AJAP1: variants seen among roughly 807,000 people sequenced by gnomAD.
The protein encoded by AJAP1 is adherens junction-associated protein 1.
Under a neutral mutation model 35.0 loss-of-function variants are expected in AJAP1, and 5 were observed. The observed-to-expected ratio is 0.14, with a 90% CI of 0.07 to 0.30. The LOEUF is 0.30. Ranked by LOEUF, AJAP1 falls within the 10% of genes least tolerant of loss-of-function variation. The pLI is 1.00. For synonymous variants in AJAP1, 284 were observed against 249.3 expected, an observed-to-expected ratio of 1.14 and a Z score of -1.31; for missense variants, 586 against 571.0, an observed-to-expected ratio of 1.03 and a Z score of -0.27.
chr1:4,737,319 G>A (rs998876438), intron 2 of AJAP1, among the ~76,000 whole-genome samples: 7 of 151,986 alleles, frequency 4.6e-5, no homozygotes, highest in Non-Finnish European at 8.8e-5. Context: ...ACAAGCCCCC[G>A]TCACCACCCA....
Position 4,720,376 on chromosome 1 carries a change from A to T in AJAP1, c.829+7677A>T, listed in dbSNP as rs1017573652. On this transcript the variant is annotated intron_variant, in intron 2 of 5. Transcript: ENST00000378191. The surrounding 1 kb of genome is among the most constrained non-coding windows in gnomAD (Gnocchi z 4.4). ...CAGAAGTTTCTTTCAGCACTGGGGA[A>T]GCCAAGTTTGTTGGAGGAACAGAGA... 1.3e-5 allele frequency among the ~76,000 whole-genome samples: 2 copies of T among 152,200 alleles called. No individual in the cohort carries two copies. The highest frequency in any genetic ancestry group is 2.4e-5 in the African/African-American group (1 of 41,456).
At chr1:4,696,167 G>A (rs1639854490) in intron 1 of AJAP1, among the ~76,000 whole-genome samples, 1 of 150,190 alleles carries the variant, frequency 6.7e-6, no homozygotes, top group Admixed American at 6.7e-5. Flanking sequence ...GGGGAGCAGG[G>A]AGGCTCCCTG....
At position 4,762,491 on chromosome 1, in the gene AJAP1, C is replaced by T. The variant is rs138291944; in HGVS notation, c.830-7362C>T. Reference sequence around the variant, plus strand: ...GGCAGAGCCCAGCACAAACTCTGGGCGTCAAGGCCCAAGGGAGCTTCCCCG... The same window carrying T: ...GGCAGAGCCCAGCACAAACTCTGGGTGTCAAGGCCCAAGGGAGCTTCCCCG... On this transcript the variant is annotated intron_variant, in intron 2 of 5. Transcript: ENST00000378191. Among the ~76,000 whole-genome samples, 239 of 152,330 alleles carry T rather than the reference C, an allele frequency of 1.6e-3. 2 individuals carry two copies. The highest frequency in any genetic ancestry group is 0.01 in the Middle Eastern group (3 of 294).
Position 4,704,205 on chromosome 1 carries a change from G to A in AJAP1, c.30-7695G>A, listed in dbSNP as rs1477387935. Among the ~76,000 whole-genome samples, 4 of 147,498 alleles carry A rather than the reference G, an allele frequency of 2.7e-5. No homozygotes were observed. In the East Asian group the frequency reaches 6.2e-4, roughly 23 times the overall value. On this transcript the variant is annotated intron_variant, in intron 1 of 5. Coordinates refer to ENST00000378191, the MANE Select transcript of AJAP1 (RefSeq NM_018836.4). ...AAGTTTTAGGGTACATGTGCACAAT[G>A]TGCAGGTTAGTTACATATGTATACA...
At chr1:4,703,773 G>A (rs1306519198) in intron 1 of AJAP1, among the ~76,000 whole-genome samples, 2 of 152,190 alleles carry the variant, frequency 1.3e-5, no homozygotes, top group Non-Finnish European at 2.9e-5. Flanking sequence ...GGGGGACCCT[G>A]AGCCCACGCC....
intron 1 of AJAP1, among the ~76,000 whole-genome samples, chr1:4,694,338 C>G (rs1441696733): frequency 6.6e-6 from 1 of 152,210 alleles, no homozygotes; most frequent in African/African-American, 2.4e-5. Context: ...CTCCTGAGCC[C>G]TGCACAGCAA....
chr1:4,707,090 A>G (rs1292537318), intron 1 of AJAP1, among the ~76,000 whole-genome samples: 1 of 152,106 alleles, frequency 6.6e-6, no homozygotes, highest in Non-Finnish European at 1.5e-5. Context: ...AGGGTGTCCC[A>G]GTGAGGACTG....
rs1284539236 is a variant in AJAP1 at position 4,761,809 on chromosome 1, C to T, written c.830-8044C>T. Reference sequence around the variant, plus strand: ...GAAAGATGGAGGCCAGAAGACTAAACCCATCTAGTCTTCTCACATTCTTCT... The same window carrying T: ...GAAAGATGGAGGCCAGAAGACTAAATCCATCTAGTCTTCTCACATTCTTCT... On this transcript the variant is annotated intron_variant, in intron 2 of 5. Transcript: ENST00000378191. Among the ~76,000 whole-genome samples, 8 of 152,298 alleles carry T rather than the reference C, an allele frequency of 5.3e-5. No homozygotes were observed. In the East Asian group the frequency reaches 1.5e-3, roughly 29 times the overall value.
chr1:4,728,174 G>C (rs1640713591), intron 2 of AJAP1, among the ~76,000 whole-genome samples: 1 of 152,234 alleles, frequency 6.6e-6, no homozygotes. Context: ...CCAGGCGAGG[G>C]TCTGTGGGTG....
chr1:4,688,632 C>T (rs776210212), intron 1 of AJAP1, among the ~76,000 whole-genome samples: 4 of 151,938 alleles, frequency 2.6e-5, no homozygotes, highest in Non-Finnish European at 4.4e-5. Flanking sequence ...ATTAGCCGAG[C>T]GTGGTGGCGT....
At chr1:4,775,311 G>C (rs958808883) in intron 5 of AJAP1, among the ~76,000 whole-genome samples, 1 of 152,102 alleles carries the variant, frequency 6.6e-6, no homozygotes, top group Non-Finnish European at 1.5e-5. Context: ...ACAGCCCATG[G>C]GTGTGACCTG....
In AJAP1 at chr1:4,705,954, G is replaced by A. The variant is rs141162266; in HGVS notation, c.30-5946G>A. On this transcript the variant is annotated intron_variant, in intron 1 of 5. Coordinates refer to ENST00000378191, the MANE Select transcript of AJAP1 (RefSeq NM_018836.4). ...ATGACGCTGTGGCATGGTGACCTACGGTATCCCTTGAGGGGAAACTGGAGA... is the reference window on the plus strand; with the variant it reads ...ATGACGCTGTGGCATGGTGACCTACAGTATCCCTTGAGGGGAAACTGGAGA... Among the ~76,000 whole-genome samples the A allele has an allele frequency of 2.1e-4, 32 of 152,310 alleles. No homozygotes were observed. In the East Asian group the frequency reaches 4.8e-3, roughly 23 times the overall value.
intron 1 of AJAP1, among the ~76,000 whole-genome samples, chr1:4,703,781 G>A (rs765027438): frequency 3.3e-5 from 5 of 152,140 alleles, no homozygotes; most frequent in Non-Finnish European, 7.4e-5. Context: ...CTGAGCCCAC[G>A]CCCTTTGATC....
chr1:4,750,058 A>C (rs1054111923), intron 2 of AJAP1, among the ~76,000 whole-genome samples: 1 of 151,354 alleles, frequency 6.6e-6, no homozygotes, highest in African/African-American at 2.4e-5. Context: ...GTTTGTATCT[A>C]TATATGCCAG....
At chr1:4,755,536 C>G (rs550932812) in intron 2 of AJAP1, among the ~76,000 whole-genome samples, 1 of 152,056 alleles carries the variant, frequency 6.6e-6, no homozygotes, top group South Asian at 2.1e-4. Flanking sequence ...TAAGCTGCCC[C>G]CACCCCCACC....
chr1:4,760,677 G>T (rs553342871), intron 2 of AJAP1, among the ~76,000 whole-genome samples: 1 of 152,308 alleles, frequency 6.6e-6, no homozygotes, highest in African/African-American at 2.4e-5. Flanking sequence ...GACAGGGCCT[G>T]GCTTCCTTCC....
chr1:4,760,591 G>A (rs3753723), intron 2 of AJAP1, among the ~76,000 whole-genome samples: 61,223 of 152,000 alleles, frequency 0.4, 12,880 homozygotes, highest in African/African-American at 0.47. Context: ...CACATTTCCC[G>A]GCCACGATGC....
chr1:4,708,471 C>T (rs918559523), intron 1 of AJAP1, among the ~76,000 whole-genome samples: 2 of 152,192 alleles, frequency 1.3e-5, no homozygotes, highest in African/African-American at 4.8e-5. Context: ...GGGTGAGGCC[C>T]TCCCGAAATC....
rs186285800 is a variant in AJAP1, at chr1:4,788,456, A to G, written c.*5971A>G. 1.3e-5 allele frequency: 2 copies of G among 152,336 alleles called. No individual in the cohort carries two copies. The highest frequency in any genetic ancestry group is 6.5e-5 in the Admixed American group (1 of 15,302). 9.4% of individuals were successfully genotyped at this position (152,336 alleles called of 1,614,324 possible). A position where few individuals can be genotyped will look rare whatever the true frequency, so the allele number is the denominator to read the frequency against. Reference sequence around the variant, plus strand: ...CTTAGCTAGTGAGCACAAAGTAGCCAATCCCGGGAGTTTATATGGGCCTCC... The same window carrying G: ...CTTAGCTAGTGAGCACAAAGTAGCCGATCCCGGGAGTTTATATGGGCCTCC... On this transcript the variant is annotated 3_prime_UTR_variant, in exon 6 of 6. Transcript: ENST00000378191.
Sources: gnomAD v4.1 joint callset for allele counts (sites outside exome capture counted in the v4.1 genomes callset) on GRCh38, gnomAD v4.1.1 for gene constraint, Gnocchi (gnomAD v3.1) non-coding constraint, MANE v1.5 for transcripts, NCBI Gene and HGNC (gene_info 2026-07-23, HGNC 2026-07-21) for gene names.